NF2: variants seen among roughly 807,000 people sequenced by gnomAD.
NF2 encodes the protein NF2, moesin-ezrin-radixin like (MERLIN) tumor suppressor.
In NF2, 8 loss-of-function variants were observed where a neutral mutation model predicts 83.7. That is an observed-to-expected ratio of 0.10 (90% CI 0.06 to 0.17). The LOEUF is 0.17. NF2 is among the 10% of genes least tolerant of loss of function. NF2 has a pLI of 1.00. For synonymous variants in NF2, 266 were observed against 269.6 expected, an observed-to-expected ratio of 0.99 and a Z score of 0.13; for missense variants, 533 against 744.4, an observed-to-expected ratio of 0.72 and a Z score of 3.31.
At chr22:29,691,759 G>A (rs1370534721) in intron 15 of NF2, among the ~76,000 whole-genome samples, 1 of 152,256 alleles carries the variant, frequency 6.6e-6, no homozygotes, top group Non-Finnish European at 1.5e-5. Context: ...TGGCAGAGCT[G>A]TTTGCATGCT....
intron 8 of NF2, among the ~76,000 whole-genome samples, chr22:29,664,371 CCACACACACACACACACACA>C (rs35386801): frequency 6.8e-6 from 1 of 146,358 alleles, no homozygotes; most frequent in South Asian, 2.2e-4. Context: ...AAAGCTAATA[CCACACACACACACACACACA>C]CACACACACA....
rs2067496518 is a variant in NF2 at position 29,694,689 on chromosome 22, A to G, written c.1738-63A>G. On this transcript the variant is annotated intron_variant, in intron 15 of 15. Transcript: ENST00000338641. The surrounding 1 kb of genome is among the most constrained non-coding windows in gnomAD (Gnocchi z 4.1). ...TTGAGGTGAGTCCAAGTGGCAGGAC[A>G]GGACCCTGTGTGACAGAGCGGAGGT... 3 of 1,559,734 alleles carry G rather than the reference A, an allele frequency of 1.9e-6. No homozygotes were observed. In the South Asian group the frequency reaches 3.4e-5, roughly 18 times the overall value.
Position 29,655,590 on chromosome 22 carries a change from G to A in NF2, c.517-4G>A, listed in dbSNP as rs1165155285. On this transcript the variant is annotated splice_polypyrimidine_tract_variant and splice_region_variant and intron_variant, in intron 5 of 15. Coordinates refer to ENST00000338641, the MANE Select transcript of NF2 (RefSeq NM_000268.4). ...GTTTTTTATTTTGCTCTATTTTTTG[G>A]TAGGTAATAAATCTGTATCAGATGA... is the stretch of plus-strand genomic sequence containing the variant. 6.2e-7 allele frequency: 1 copy of A among 1,610,812 alleles called. No homozygotes were observed.
intron 1 of NF2, among the ~76,000 whole-genome samples, chr22:29,606,218 T>A (rs2064792619): frequency 6.6e-6 from 1 of 152,164 alleles, no homozygotes; most frequent in African/African-American, 2.4e-5. Flanking sequence ...CCTCCCAAAG[T>A]GTTGGGATTA....
At chr22:29,690,467 C>T (rs1486922653) in intron 15 of NF2, among the ~76,000 whole-genome samples, 1 of 152,058 alleles carries the variant, frequency 6.6e-6, no homozygotes, top group Non-Finnish European at 1.5e-5. Flanking sequence ...GTTTTATGGA[C>T]AAGTGGGCAG....
chr22:29,662,542 C>T (rs2066508420), intron 8 of NF2, among the ~76,000 whole-genome samples: 1 of 152,242 alleles, frequency 6.6e-6, no homozygotes, highest in East Asian at 1.9e-4. Flanking sequence ...AGTAACTACT[C>T]ACCTGCTATA....
intron 1 of NF2, among the ~76,000 whole-genome samples, chr22:29,628,512 A>G (rs965369298): frequency 6.6e-6 from 1 of 151,528 alleles, no homozygotes; most frequent in African/African-American, 2.4e-5. Context: ...AACAGAGATG[A>G]TTGGAGAACT....
intron 15 of NF2, among the ~76,000 whole-genome samples, chr22:29,689,209 A>G (rs1056134776): frequency 4.6e-5 from 7 of 150,716 alleles, no homozygotes; most frequent in Non-Finnish European, 8.9e-5. Context: ...AAGAGAAAGT[A>G]AAGAAAAGCT....
intron 13 of NF2, among the ~76,000 whole-genome samples, chr22:29,675,510 C>T (rs2066935597): frequency 6.6e-6 from 1 of 150,992 alleles, no homozygotes; most frequent in African/African-American, 2.4e-5. Flanking sequence ...TCAGTGTCCA[C>T]ATAGTGCCAT....
At position 29,696,114 on chromosome 22, in the gene NF2, C is replaced by T; in HGVS notation, c.*1312C>T. On this transcript the variant is annotated 3_prime_UTR_variant, in exon 16 of 16. Coordinates refer to ENST00000338641, the MANE Select transcript of NF2 (RefSeq NM_000268.4). ...TCCGAGATGGAGTCTCTCTCTGTCACCCAGGTGGGAGTGTGGTGGCACAAT... is the reference window on the plus strand; with the variant it reads ...TCCGAGATGGAGTCTCTCTCTGTCATCCAGGTGGGAGTGTGGTGGCACAAT... 4.5e-6 allele frequency: 1 copy of T among 222,174 alleles called. No homozygotes were observed. Among genetic ancestry groups the T allele is most frequent in the Non-Finnish European group, 8.8e-6 (1 of 113,228 alleles). 13.8% of individuals were successfully genotyped at this position (222,174 alleles called of 1,614,324 possible).
intron 10 of NF2, among the ~76,000 whole-genome samples, chr22:29,670,521 G>GTGTT (rs921942401): frequency 4.6e-5 from 7 of 151,840 alleles, no homozygotes; most frequent in African/African-American, 1.7e-4. Flanking sequence ...GTGTGTGTGT[G>GTGTT]TGTGTGTGTG....
At chr22:29,634,415 A>C (rs1295124584) in intron 1 of NF2, among the ~76,000 whole-genome samples, 1 of 152,250 alleles carries the variant, frequency 6.6e-6, no homozygotes, top group Non-Finnish European at 1.5e-5. Flanking sequence ...AAGGGAATAC[A>C]GGAAAACTGC....
chr22:29,656,845 T>TC (rs2066326742), intron 6 of NF2, among the ~76,000 whole-genome samples: 2 of 98,808 alleles, frequency 2.0e-5, no homozygotes, highest in South Asian at 7.5e-4. Context: ...TATGAGAGTG[T>TC]CCCACCCCCC....
Position 29,658,248 on chromosome 22 carries a change from A to G in NF2, c.659A>G (p.Asn220Ser), listed in dbSNP as rs2066372870. ...CAGGACCTGGAGATGTACGGTGTGA[A>G]CTACTTTGCAATCCGGGTGTGTTGA... ...IAQDLEMYGV[N>S]YFAIRNKKGT... is the part of the protein sequence containing the mutation. Residue 220 changes from asparagine (N) to serine (S), a missense_variant, in exon 7 of 16, where the codon AAC becomes AGC. Physicochemically the swap from Asn to Ser is conservative, Grantham distance 46. Transcript: ENST00000338641. 1 of 1,614,194 alleles carries G rather than the reference A, an allele frequency of 6.2e-7. No homozygotes were observed.
At chr22:29,672,413 A>G (rs1202062181) in intron 11 of NF2, among the ~76,000 whole-genome samples, 1 of 150,042 alleles carries the variant, frequency 6.7e-6, no homozygotes, top group African/African-American at 2.5e-5. Context: ...TCCCAGGTTC[A>G]AGCAATTCTC....
chr22:29,626,153 CTTTT>C (rs34704204), intron 1 of NF2, among the ~76,000 whole-genome samples: 1 of 128,234 alleles, frequency 7.8e-6, no homozygotes, highest in Admixed American at 8.3e-5. Context: ...CATCTGCAGA[CTTTT>C]TTTTTTTTTT....
intron 1 of NF2, among the ~76,000 whole-genome samples, chr22:29,634,080 G>A (rs1002215190): frequency 2.0e-5 from 3 of 152,222 alleles, no homozygotes; most frequent in Non-Finnish European, 4.4e-5. Flanking sequence ...AACAGGAAAA[G>A]AGGCACTCTA....
chr22:29,657,239 TGTCTC>T (rs2066339599), intron 6 of NF2, among the ~76,000 whole-genome samples: 1 of 152,224 alleles, frequency 6.6e-6, no homozygotes, highest in South Asian at 2.1e-4. Context: ...CTGTTTTTTG[TGTCTC>T]CTTTTACTCA....
intron 1 of NF2, among the ~76,000 whole-genome samples, chr22:29,616,769 A>C (rs1187883718): frequency 6.6e-6 from 1 of 151,806 alleles, no homozygotes; most frequent in African/African-American, 2.4e-5. Flanking sequence ...AAAAGTAAAA[A>C]TCATTCTTAG....
Sources: gnomAD v4.1 joint callset for allele counts (sites outside exome capture counted in the v4.1 genomes callset) on GRCh38, gnomAD v4.1.1 for gene constraint, Gnocchi (gnomAD v3.1) non-coding constraint, MANE v1.5 for transcripts, NCBI Gene and HGNC (gene_info 2026-07-23, HGNC 2026-07-21) for gene names.